CSGALNACT1: variants seen among roughly 807,000 people sequenced by gnomAD.
CSGALNACT1 encodes chondroitin sulfate N-acetylgalactosaminyltransferase 1.
CSGALNACT1 carries 52 observed loss-of-function variants against 51.0 expected under a neutral mutation model. The observed-to-expected ratio is 1.02, with a 90% CI of 0.82 to 1.29. The LOEUF is 1.29. CSGALNACT1 is among the 50% of genes most tolerant of loss of function. CSGALNACT1 has a pLI of 0.00. For synonymous variants in CSGALNACT1, 341 were observed against 254.4 expected (o/e 1.34, Z -3.24); for missense variants, 935 against 679.2 (o/e 1.38, Z -4.19).
At chr8:19,657,338 C>A (rs772313048) in intron 1 of CSGALNACT1, among the ~76,000 whole-genome samples, 4 of 149,644 alleles carry the variant, frequency 2.7e-5, no homozygotes, top group Non-Finnish European at 5.9e-5. Context: ...ACATGTCTAA[C>A]AGATCCAATC....
chr8:19,524,067 G>A (rs1021202805), intron 3 of CSGALNACT1, among the ~76,000 whole-genome samples: 3 of 152,198 alleles, frequency 2.0e-5, no homozygotes, highest in Non-Finnish European at 4.4e-5. Context: ...GCTGAGGTGG[G>A]GGGATCACTT....
intron 5 of CSGALNACT1, among the ~76,000 whole-genome samples, chr8:19,448,185 GA>G (rs914904903): frequency 1.3e-4 from 20 of 152,242 alleles, no homozygotes; most frequent in African/African-American, 4.8e-4. Context: ...GAGAGAGTGG[GA>G]AAAATTGTGT....
intron 5 of CSGALNACT1, among the ~76,000 whole-genome samples, chr8:19,450,453 G>T (rs925732835): frequency 6.6e-6 from 1 of 152,132 alleles, no homozygotes; most frequent in African/African-American, 2.4e-5. Context: ...GCCACAGGTA[G>T]AGACTGCAGA....
intron 1 of CSGALNACT1, among the ~76,000 whole-genome samples, chr8:19,660,602 G>A (rs2058672024): frequency 6.6e-6 from 1 of 152,122 alleles, no homozygotes; most frequent in South Asian, 2.1e-4. Flanking sequence ...AAGAGTCTGG[G>A]GTTCTGAGTT....
chr8:19,641,194 C>A (rs2056705313), intron 1 of CSGALNACT1, among the ~76,000 whole-genome samples: 1 of 137,964 alleles, frequency 7.2e-6, no homozygotes, highest in Non-Finnish European at 1.5e-5. Flanking sequence ...CTCCTCCCAA[C>A]AAGACCTTCA....
chr8:19,598,459 T>G lies in CSGALNACT1; in HGVS notation c.-416+3312A>C, dbSNP rs142490334. Among the ~76,000 whole-genome samples the G allele has an allele frequency of 4.7e-3, 709 of 152,346 alleles. 5 individuals are homozygous for G. The highest frequency in any genetic ancestry group is 0.016 in the African/African-American group (657 of 41,572). On this transcript the variant is annotated intron_variant, in intron 2 of 9. Coordinates refer to ENST00000454498, the Ensembl canonical transcript of CSGALNACT1. ...AAAACACATCCAAAGGAAGGCCACT[T>G]TATAAAATCCAAACTGTTACTTTTC...
intron 3 of CSGALNACT1, among the ~76,000 whole-genome samples, chr8:19,518,147 C>G (rs954092754): frequency 2.0e-5 from 3 of 152,144 alleles, no homozygotes; most frequent in Admixed American, 2.0e-4. Flanking sequence ...CTTTCTGATA[C>G]AGGAGTTAAG....
chr8:19,667,085 A>G (rs1374259075), intron 1 of CSGALNACT1, among the ~76,000 whole-genome samples: 1,358 of 124,906 alleles, frequency 0.011, 254 homozygotes, highest in African/African-American at 0.027. Flanking sequence ...GAAAGAAAGA[A>G]AGAAAGAAAG....
At position 19,461,299 on chromosome 8, in the gene CSGALNACT1, C is replaced by G. The variant is rs80297881; in HGVS notation, c.635-2657G>C. Among the ~76,000 whole-genome samples, 57 of 152,342 alleles carry G rather than the reference C, an allele frequency of 3.7e-4. 1 individual carries two copies. In the East Asian group the frequency reaches 0.01, roughly 27 times the overall value. On this transcript the variant is annotated intron_variant, in intron 4 of 9. Transcript: ENST00000454498. ...TTCAGGAATGTAGTGCTCACTGAGG[C>G]AACAGGCTCTTTTCCCATCTCTGAT...
At chr8:19,692,442 C>T (rs1218350327) in intron 1 of CSGALNACT1, among the ~76,000 whole-genome samples, 1 of 152,126 alleles carries the variant, frequency 6.6e-6, no homozygotes, top group East Asian at 1.9e-4. Flanking sequence ...AATGTTCTAC[C>T]TGGTGTGTTC....
chr8:19,406,276 CTTCTTCAGA>C (rs2054164277), intron 9 of CSGALNACT1, among the ~76,000 whole-genome samples: 1 of 152,100 alleles, frequency 6.6e-6, no homozygotes, highest in Admixed American at 6.6e-5. Context: ...ACAGCACCGA[CTTCTTCAGA>C]TGACAGGACC....
At chr8:19,620,627 G>A (rs985410753) in intron 1 of CSGALNACT1, among the ~76,000 whole-genome samples, 11 of 152,068 alleles carry the variant, frequency 7.2e-5, no homozygotes, top group Admixed American at 6.5e-4. Flanking sequence ...TGAGATGGGG[G>A]TCTCACTACG....
At chr8:19,414,289 A>G (rs566386653) in intron 8 of CSGALNACT1, among the ~76,000 whole-genome samples, 1 of 152,302 alleles carries the variant, frequency 6.6e-6, no homozygotes, top group South Asian at 2.1e-4. Context: ...GGTGAACAAA[A>G]AACCGGAGTC....
intron 8 of CSGALNACT1, 91 bp from the exon 8 acceptor site, chr8:19,408,785 G>C (rs886664871): frequency 9.0e-7 from 1 of 1,111,224 alleles, no homozygotes; most frequent in Non-Finnish European, 1.4e-6. Flanking sequence ...GTGGAGTGTG[G>C]AGCCCATCCC....
At chr8:19,404,219 T>C (rs7001231) in exon 10 of CSGALNACT1, 14,924 of 399,894 alleles carry the variant, frequency 0.037, 414 homozygotes, top group African/African-American at 0.087. Context: ...TCATGGCCTG[T>C]GTTTTAATTA....
At chr8:19,635,502 G>A (rs1468737552) in intron 1 of CSGALNACT1, among the ~76,000 whole-genome samples, 2 of 152,166 alleles carry the variant, frequency 1.3e-5, no homozygotes, top group Non-Finnish European at 2.9e-5. Context: ...GGGCTTAGGG[G>A]TGAACCTCGG....
intron 4 of CSGALNACT1, among the ~76,000 whole-genome samples, chr8:19,492,933 G>C (rs112972534): frequency 2.6e-5 from 4 of 152,032 alleles, no homozygotes; most frequent in South Asian, 2.1e-4. Flanking sequence ...TTTGTGCCCT[G>C]CCTCGCCTGT....
chr8:19,672,747 A>G (rs1434953033), intron 1 of CSGALNACT1, among the ~76,000 whole-genome samples: 1 of 152,206 alleles, frequency 6.6e-6, no homozygotes, highest in African/African-American at 2.4e-5. Context: ...TCAAAAAGAA[A>G]CTTATTTTTT....
intron 5 of CSGALNACT1, among the ~76,000 whole-genome samples, chr8:19,457,376 G>T (rs374881723): frequency 8.5e-5 from 13 of 152,280 alleles, no homozygotes; most frequent in African/African-American, 3.1e-4. Context: ...ATTTTGAGAG[G>T]CCGAGGTGAG....
Sources: allele counts gnomAD v4.1 joint callset (sites outside exome capture counted in the v4.1 genomes callset), GRCh38; gene constraint gnomAD v4.1.1; transcripts MANE v1.5; gene names NCBI Gene and HGNC (gene_info 2026-07-23, HGNC 2026-07-21).